ARHGEF33: variants seen among roughly 807,000 people sequenced by gnomAD.
ARHGEF33 encodes the protein Rho guanine nucleotide exchange factor 33.
ARHGEF33 carries 72 observed loss-of-function variants against 101.9 expected under a neutral mutation model. The ratio of observed to expected loss-of-function variants is 0.71; its 90% CI spans 0.58 to 0.86. The LOEUF (loss-of-function observed/expected upper bound fraction) is 0.86, where lower values mean the gene tolerates loss of function less well. Ranked by LOEUF, ARHGEF33 falls within the 40% of genes least tolerant of loss-of-function variation. The pLI, the probability that ARHGEF33 is intolerant of heterozygous loss-of-function variation, is 0.00. For missense variants in ARHGEF33, 1,169 were observed against 1,111.3 expected, an observed-to-expected ratio of 1.05 and a Z score of -0.74; for synonymous variants, 499 against 442.5, an observed-to-expected ratio of 1.13 and a Z score of -1.60.
At chr2:38,964,503 T>A (rs1668011504) in intron 16 of ARHGEF33, among the ~76,000 whole-genome samples, 1 of 151,366 alleles carries the variant, frequency 6.6e-6, no homozygotes, top group Non-Finnish European at 1.5e-5. Flanking sequence ...TTAGCATCAT[T>A]GTCTCAGCTC....
In ARHGEF33 at chr2:38,960,416, C is replaced by G; in HGVS notation, c.2111C>G (p.Pro704Arg). The G allele has an allele frequency of 5.9e-6, 9 of 1,514,764 alleles. No homozygotes were observed. The highest frequency in any genetic ancestry group is 1.2e-5 in the South Asian group (1 of 80,822). 93.8% of individuals were successfully genotyped at this position (1,514,764 alleles called of 1,614,324 possible). Residue 704 changes from proline (P) to arginine (R), a missense_variant, in exon 16 of 18, where the codon CCG becomes CGG. By Grantham distance (103) the Pro-to-Arg change is moderately radical. Transcript: ENST00000409978. ...GCGCAGGCGCACGGCAAGGCCAAGC[C>G]GCTGAGCCGCTCTCTCAAAGAGTTC... is the stretch of plus-strand genomic sequence containing the variant. ...AAAQAHGKAK[P>R]LSRSLKEFPR...
rs1383022132 is a variant in ARHGEF33 at position 38,944,013 on chromosome 2, G to C, written c.903G>C (p.Arg301Ser). 1 of 1,550,128 alleles carries C rather than the reference G, an allele frequency of 6.5e-7. No individual in the cohort carries two copies. The highest frequency in any genetic ancestry group is 1.4e-5 in the African/African-American group (1 of 73,080). Residue 301 changes from arginine to serine, a missense_variant, in exon 10 of 18, where the codon AGG becomes AGC. Transcript: ENST00000409978. ...CATTCCAGGGGTCAGATGGAAAGAGGAATTCCAAAGAGAGAAGGTATCCAT... is the reference window on the plus strand; with the variant it reads ...CATTCCAGGGGTCAGATGGAAAGAGCAATTCCAAAGAGAGAAGGTATCCAT... ...KATFQGSDGK[R>S]NSKERSLFPG...
intron 17 of ARHGEF33, among the ~76,000 whole-genome samples, chr2:38,969,884 C>T (rs1668128647): frequency 6.6e-6 from 1 of 152,186 alleles, no homozygotes; most frequent in Non-Finnish European, 1.5e-5. Flanking sequence ...AGGATCTATA[C>T]AGAGGCTGTC....
chr2:38,924,938 C>T (rs1426789645), intron 4 of ARHGEF33, among the ~76,000 whole-genome samples: 1 of 152,018 alleles, frequency 6.6e-6, no homozygotes, highest in Non-Finnish European at 1.5e-5. Context: ...TTACAAGCAA[C>T]ATAAATTTCC....
chr2:38,891,374 T>C (rs930320630), intron 1 of ARHGEF33, among the ~76,000 whole-genome samples: 1 of 152,092 alleles, frequency 6.6e-6, no homozygotes, highest in Non-Finnish European at 1.5e-5. Context: ...TCCCTTCCTC[T>C]CTCCTTTCCT....
chr2:38,908,013 C>T (rs1666430743), intron 2 of ARHGEF33, among the ~76,000 whole-genome samples: 1 of 151,654 alleles, frequency 6.6e-6, no homozygotes, highest in African/African-American at 2.4e-5. Flanking sequence ...TGCATGCCAA[C>T]ATGCCTGGCT....
rs1253979594 is a variant in ARHGEF33, at chr2:38,960,106, C to T, written c.1801C>T (p.Leu601Phe). ...GCGCTCCCTGCGCGCCCCGGCCGAG[C>T]TCCTGCCCGATGCCCGCGGCTTCGT... ...VERSLRAPAELLPDARGFVPA... is the reference protein window; with the variant it reads ...VERSLRAPAEFLPDARGFVPA... Residue 601 changes from leucine (L) to phenylalanine (F), a missense_variant, in exon 16 of 18, where the codon CTC becomes TTC. Coordinates refer to ENST00000409978, the MANE Select transcript of ARHGEF33 (RefSeq NM_001145451.5). The T allele has an allele frequency of 1.3e-6, 2 of 1,542,328 alleles. No individual in the cohort carries two copies. The highest frequency in any genetic ancestry group is 3.9e-5 in the Admixed American group (2 of 50,864).
chr2:38,920,519 T>C (rs750491815), intron 3 of ARHGEF33, among the ~76,000 whole-genome samples: 12 of 146,940 alleles, frequency 8.2e-5, no homozygotes, highest in Non-Finnish European at 1.8e-4. Flanking sequence ...GCGATTCTCC[T>C]GCCTCAGCCT....
chr2:38,932,747 C>G (rs2124386786), intron 7 of ARHGEF33, among the ~76,000 whole-genome samples: 1 of 152,232 alleles, frequency 6.6e-6, no homozygotes, highest in South Asian at 2.1e-4. Flanking sequence ...GTAACAGCCC[C>G]CAGGGACTTA....
intron 2 of ARHGEF33, among the ~76,000 whole-genome samples, chr2:38,903,032 A>G (rs1233997373): frequency 1.3e-5 from 2 of 152,146 alleles, no homozygotes; most frequent in Non-Finnish European, 2.9e-5. Flanking sequence ...AGAGATAGGA[A>G]CGAAATAGGC....
At chr2:38,935,356 T>C (rs1325312008) in intron 7 of ARHGEF33, among the ~76,000 whole-genome samples, 1 of 149,850 alleles carries the variant, frequency 6.7e-6, no homozygotes, top group Non-Finnish European at 1.5e-5. Context: ...AATTTCTGGG[T>C]TTTTTTGGGG....
intron 13 of ARHGEF33, 149 bp from the exon 14 acceptor site, chr2:38,956,750 G>T: frequency 1.1e-6 from 1 of 945,148 alleles, no homozygotes. Flanking sequence ...ACCTTTCAGC[G>T]TATAATTAGA....
Position 38,960,373 on chromosome 2 carries a change from T to C in ARHGEF33, c.2068T>C (p.Tyr690His). Residue 690 changes from tyrosine to histidine, a missense_variant, in exon 16 of 18, where the codon TAC becomes CAC. Physicochemically the swap from Tyr to His is moderately conservative, Grantham distance 83. Coordinates refer to ENST00000409978, the MANE Select transcript of ARHGEF33 (RefSeq NM_001145451.5). Reference sequence around the variant, plus strand: ...GTCGCCGGCGGGCAGCAGCAGCGCCTACAAACTGGAGGCGGCGGCGCAGGC... The same window carrying C: ...GTCGCCGGCGGGCAGCAGCAGCGCCCACAAACTGGAGGCGGCGGCGCAGGC... Reference protein sequence around the residue: ...ATSPAGSSSAYKLEAAAQAHG... With the variant: ...ATSPAGSSSAHKLEAAAQAHG... 6.6e-7 allele frequency: 1 copy of C among 1,524,310 alleles called. No homozygotes were observed. The highest frequency in any genetic ancestry group is 8.8e-7 in the Non-Finnish European group (1 of 1,140,492). 94.4% of individuals were successfully genotyped at this position (1,524,310 alleles called of 1,614,324 possible). A position where few individuals can be genotyped will look rare whatever the true frequency, so the allele number is the denominator to read the frequency against.
chr2:38,905,850 CA>C (rs1666375463), intron 2 of ARHGEF33, among the ~76,000 whole-genome samples: 1 of 152,166 alleles, frequency 6.6e-6, no homozygotes, highest in East Asian at 1.9e-4. Flanking sequence ...ATGAAATGAG[CA>C]TAATCTGCAC....
chr2:38,966,207 T>G, intron 17 of ARHGEF33, 62 bp downstream of exon 17: 1 of 1,520,020 alleles, frequency 6.6e-7, no homozygotes, highest in Non-Finnish European at 8.8e-7. Flanking sequence ...AATCTTGAGG[T>G]TTTAACAATA....
rs1030618110 is a variant in ARHGEF33 at position 38,909,671 on chromosome 2, C to T, written c.-85-9692C>T. Reference sequence around the variant, plus strand: ...TAATTTTAATTCTTTAATTTATTACCTTTGCCACTTTAAATTGCTATGTAT... The same window carrying T: ...TAATTTTAATTCTTTAATTTATTACTTTTGCCACTTTAAATTGCTATGTAT... On this transcript the variant is annotated intron_variant, in intron 2 of 17. Coordinates refer to ENST00000409978, the MANE Select transcript of ARHGEF33 (RefSeq NM_001145451.5). 2.0e-5 allele frequency among the ~76,000 whole-genome samples: 3 copies of T among 149,540 alleles called. No individual in the cohort carries two copies. The East Asian group carries it at 5.9e-4, about 29-fold the overall frequency.
chr2:38,897,972 T>G (rs1002983002), intron 2 of ARHGEF33, among the ~76,000 whole-genome samples: 1 of 152,166 alleles, frequency 6.6e-6, no homozygotes, highest in Non-Finnish European at 1.5e-5. Flanking sequence ...TCTCCAGAGC[T>G]GGGCAGAAGC....
intron 2 of ARHGEF33, among the ~76,000 whole-genome samples, chr2:38,901,074 TACCCCACTCTCACCCCAAACACAC>T (rs1666227289): frequency 6.6e-6 from 1 of 152,136 alleles, no homozygotes; most frequent in Non-Finnish European, 1.5e-5. Flanking sequence ...GCATTTAGGA[TACCCCACTCTCACCCCAAACACAC>T]ACACACACCT....
intron 16 of ARHGEF33, among the ~76,000 whole-genome samples, chr2:38,961,943 C>CA (rs1667952643): frequency 6.6e-6 from 1 of 152,026 alleles, no homozygotes; most frequent in African/African-American, 2.4e-5. Context: ...TGTGCCATGT[C>CA]AAAGTGGTGG....
Sources: allele counts gnomAD v4.1 joint callset (sites outside exome capture counted in the v4.1 genomes callset), GRCh38; gene constraint gnomAD v4.1.1; transcripts MANE v1.5; gene names NCBI Gene and HGNC (gene_info 2026-07-23, HGNC 2026-07-21).